LRRTM1: variants seen among roughly 807,000 people sequenced by gnomAD.
LRRTM1 encodes the protein leucine rich repeat transmembrane neuronal 1.
A neutral mutation model predicts 37.3 loss-of-function variants in LRRTM1; 8 were observed. The ratio of observed to expected loss-of-function variants is 0.21; its 90% CI spans 0.13 to 0.39. The LOEUF (loss-of-function observed/expected upper bound fraction) is 0.39, where lower values mean the gene tolerates loss of function less well. Among genes scored for constraint, LRRTM1 ranks in the 10% least tolerant of loss-of-function variants. LRRTM1 has a pLI of 1.00. For missense variants in LRRTM1, 557 were observed against 691.0 expected, an observed-to-expected ratio of 0.81 and a Z score of 2.17; for synonymous variants, 326 against 316.8, an observed-to-expected ratio of 1.03 and a Z score of -0.31.
chr2:80,294,792 C>T (rs1675597437), intron 2 of LRRTM1, among the ~76,000 whole-genome samples: 1 of 152,126 alleles, frequency 6.6e-6, no homozygotes, highest in African/African-American at 2.4e-5. Flanking sequence ...AAGCACTCTG[C>T]TAGCTGAGCA....
At chr2:80,296,183 A>G (rs1675727901) in intron 2 of LRRTM1, among the ~76,000 whole-genome samples, 1 of 152,152 alleles carries the variant, frequency 6.6e-6, no homozygotes, top group South Asian at 2.1e-4. Flanking sequence ...CACCTCAAGC[A>G]TTTATTTTTT....
At chr2:80,297,809 C>G (rs1173724318), downstream of LRRTM1, among the ~76,000 whole-genome samples, 3 of 152,180 alleles carry the variant, frequency 2.0e-5, no homozygotes, top group African/African-American at 7.2e-5. Flanking sequence ...TACTCATTAA[C>G]TAATGCCTGA....
At chr2:80,301,245 T>TA (rs1676281040), downstream of LRRTM1, among the ~76,000 whole-genome samples, 1 of 152,208 alleles carries the variant, frequency 6.6e-6, no homozygotes, top group Non-Finnish European at 1.5e-5. Flanking sequence ...GCTGCAGTCT[T>TA]AGCAATGTGC....
In LRRTM1 at chr2:80,302,107, A is replaced by C; in HGVS notation, c.*144T>G. On this transcript the variant is annotated 3_prime_UTR_variant, in exon 2 of 2. Coordinates refer to ENST00000295057, the MANE Select transcript of LRRTM1 (RefSeq NM_178839.5). The surrounding 1 kb of genome is among the most constrained non-coding windows in gnomAD (Gnocchi z 6.4). ...TAAGACACAATAAAGCTAAAATGTC[A>C]AGTCTCTGGGAGAGATCCCCTTAAA... 1.8e-6 allele frequency: 2 copies of C among 1,105,978 alleles called. No individual in the cohort carries two copies. The highest frequency in any genetic ancestry group is 2.5e-6 in the Non-Finnish European group (2 of 803,044). The allele number at this position is 1,105,978 out of a possible 1,614,324, so 68.5% of individuals were successfully genotyped here.
At chr2:80,298,311 G>C (rs1040189932), downstream of LRRTM1, 5 of 152,084 alleles carry the variant, frequency 3.3e-5, no homozygotes, top group African/African-American at 4.8e-5. Context: ...TCATCTAGAG[G>C]AGATAATTTA....
downstream of LRRTM1, among the ~76,000 whole-genome samples, chr2:80,300,041 G>A (rs901283105): frequency 1.3e-5 from 2 of 152,024 alleles, no homozygotes; most frequent in Non-Finnish European, 2.9e-5. Context: ...ATCCCTGAGA[G>A]AATCTTTTTC....
chr2:80,296,752 G>A (rs1675782311), intron 2 of LRRTM1, among the ~76,000 whole-genome samples: 1 of 152,052 alleles, frequency 6.6e-6, no homozygotes, highest in Non-Finnish European at 1.5e-5. Context: ...TTGATGTGGG[G>A]GATGTCCTTT....
downstream of LRRTM1, among the ~76,000 whole-genome samples, chr2:80,297,974 G>T (rs6547301): frequency 0.55 from 82,641 of 151,102 alleles, 23,615 homozygotes; most frequent in African/African-American, 0.74. Context: ...CGCGTGTATG[G>T]GTGTGTGTGT....
intron 2 of LRRTM1, among the ~76,000 whole-genome samples, chr2:80,293,579 C>T (rs1675460417): frequency 1.3e-5 from 2 of 152,094 alleles, no homozygotes; most frequent in Non-Finnish European, 2.9e-5. Context: ...GTGGGATGTC[C>T]TGGCCAAATG....
At chr2:80,300,076 T>C (rs1445507875), downstream of LRRTM1, among the ~76,000 whole-genome samples, 2 of 152,120 alleles carry the variant, frequency 1.3e-5, no homozygotes, top group African/African-American at 4.8e-5. Flanking sequence ...CTTGGAGTGG[T>C]ATGCTATTTA....
chr2:80,300,542 G>A (rs1558981826), downstream of LRRTM1, among the ~76,000 whole-genome samples: 1 of 152,016 alleles, frequency 6.6e-6, no homozygotes, highest in Non-Finnish European at 1.5e-5. Context: ...ATTGGTAGCT[G>A]GAGACATTTG....
At chr2:80,300,281 GGTGTGTGTGTGTGTGTGTGTGTGTGTGT>G (rs70940079), downstream of LRRTM1, among the ~76,000 whole-genome samples, 2 of 93,108 alleles carry the variant, frequency 2.1e-5, no homozygotes, top group Admixed American at 2.1e-4. Context: ...GGGGTGTTGG[GGTGTGTGTGTGTGTGTGTGTGTGTGTGT>G]GTGTGTGTGT....
exon 3 of LRRTM1, chr2:80,289,036 T>C (rs909626021): frequency 6.6e-5 from 10 of 152,032 alleles, no homozygotes; most frequent in African/African-American, 2.4e-4. Flanking sequence ...AAGATGGGAG[T>C]AATATGATGC....
chr2:80,293,977 G>A (rs13011070), intron 2 of LRRTM1, among the ~76,000 whole-genome samples: 1 of 152,174 alleles, frequency 6.6e-6, no homozygotes, highest in Non-Finnish European at 1.5e-5. Flanking sequence ...TTCAGTGGGA[G>A]GAGGTGTAGG....
chr2:80,297,966 C>T (rs977071321), downstream of LRRTM1, among the ~76,000 whole-genome samples: 8 of 151,182 alleles, frequency 5.3e-5, no homozygotes, highest in Non-Finnish European at 7.4e-5. Flanking sequence ...CCTGCCTGCG[C>T]GTGTATGGGT....
chr2:80,296,527 T>A (rs1291775853), intron 2 of LRRTM1, among the ~76,000 whole-genome samples: 2 of 152,224 alleles, frequency 1.3e-5, no homozygotes, highest in African/African-American at 4.8e-5. Context: ...TGATTATCAG[T>A]GAACCTAAGG....
At chr2:80,297,623 G>A (rs1675861349), downstream of LRRTM1, among the ~76,000 whole-genome samples, 1 of 152,060 alleles carries the variant, frequency 6.6e-6, no homozygotes, top group African/African-American at 2.4e-5. Flanking sequence ...TTTGCCTCCT[G>A]AATCCCAGAA....
At position 80,304,654 on chromosome 2, in the gene LRRTM1, C is replaced by G. The variant is rs916838919; in HGVS notation, c.-562G>C. 1 of 153,072 alleles carries G rather than the reference C, an allele frequency of 6.5e-6. No individual in the cohort carries two copies. Among genetic ancestry groups the G allele is most frequent in the Non-Finnish European group, 1.5e-5 (1 of 68,594 alleles). 9.5% of individuals were successfully genotyped at this position (153,072 alleles called of 1,614,324 possible). ...GCGGCGGGCGGTGGGGAGGTGCGGA[C>G]GGCGGCGCGGGGAGCGGCGAGCGGC... is the stretch of plus-strand genomic sequence containing the variant. On this transcript the variant is annotated 5_prime_UTR_variant, in exon 1 of 2. Coordinates refer to ENST00000295057, the MANE Select transcript of LRRTM1 (RefSeq NM_178839.5).
chr2:80,300,987 G>T (rs1676249903), downstream of LRRTM1, among the ~76,000 whole-genome samples: 1 of 151,482 alleles, frequency 6.6e-6, no homozygotes, highest in South Asian at 2.1e-4. Context: ...ACACAAAAGG[G>T]CCATCTGAGA....
Sources: allele counts gnomAD v4.1 joint callset (sites outside exome capture counted in the v4.1 genomes callset), GRCh38; gene constraint gnomAD v4.1.1; non-coding constraint Gnocchi (gnomAD v3.1); transcripts MANE v1.5; gene names NCBI Gene and HGNC (gene_info 2026-07-23, HGNC 2026-07-21).